The following OR14A2 variants were observed in gnomAD, a reference collection of about 807,000 sequenced individuals.
OR14A2 encodes olfactory receptor 14A2.
For synonymous variants in OR14A2, 114 were observed against 58.6 expected (o/e 1.95, Z -4.32); for missense variants, 237 against 152.9 (o/e 1.55, Z -2.90).
the OR14A2 span, chr1:247,747,151 T>C: frequency 4.6e-5 from 7 of 152,088 alleles, no homozygotes; most frequent in Admixed American, 4.6e-4. Flanking sequence ...TGGTTAAGAG[T>C]TTGCCACTGT....
At chr1:247,741,367 T>G in the OR14A2 span, among the ~76,000 whole-genome samples, 1 of 152,254 alleles carries the variant, frequency 6.6e-6, no homozygotes, top group Non-Finnish European at 1.5e-5. Context: ...TCACTACTTC[T>G]TTAACACTGC....
chr1:247,739,543 G>A, the OR14A2 span: 3 of 776,252 alleles, frequency 3.9e-6, no homozygotes, highest in South Asian at 4.1e-5. Context: ...AGAAGCAGTG[G>A]GGTAATGAAA....
chr1:247,729,516 C>G, the OR14A2 span, among the ~76,000 whole-genome samples: 2 of 151,982 alleles, frequency 1.3e-5, no homozygotes, highest in African/African-American at 4.8e-5. Flanking sequence ...AGCTCTGTTC[C>G]CCTTTAGACT....
At chr1:247,723,557 A>G in exon 1 of OR14A2, 2 of 718,322 alleles carry the variant, frequency 2.8e-6, no homozygotes, top group Non-Finnish European at 5.2e-6. Context: ...AAAGGCATGG[A>G]AAATGTGCCA....
chr1:247,731,001 T>C, the OR14A2 span, among the ~76,000 whole-genome samples: 1 of 152,148 alleles, frequency 6.6e-6, no homozygotes, highest in Non-Finnish European at 1.5e-5. Flanking sequence ...TTTAGTCCAA[T>C]TGTATTGACA....
At chr1:247,730,762 T>A in the OR14A2 span, among the ~76,000 whole-genome samples, 1 of 152,058 alleles carries the variant, frequency 6.6e-6, no homozygotes, top group African/African-American at 2.4e-5. Context: ...GGAACTCTGA[T>A]GTTGGAGGGC....
chr1:247,741,792 G>A, the OR14A2 span, among the ~76,000 whole-genome samples: 2 of 152,112 alleles, frequency 1.3e-5, no homozygotes, highest in African/African-American at 4.8e-5. Context: ...GCTCTGATAG[G>A]TTGTGCTATG....
the OR14A2 span, chr1:247,746,367 C>G: frequency 6.6e-6 from 1 of 152,166 alleles, no homozygotes; most frequent in African/African-American, 2.4e-5. Flanking sequence ...ATCCACTGGA[C>G]TTTGATGGGT....
chr1:247,733,322 T>C, the OR14A2 span, among the ~76,000 whole-genome samples: 1 of 152,182 alleles, frequency 6.6e-6, no homozygotes. Context: ...TTGAAGAAAT[T>C]TGTGACAAAA....
chr1:247,743,349 C>T, the OR14A2 span, among the ~76,000 whole-genome samples: 1 of 152,172 alleles, frequency 6.6e-6, no homozygotes, highest in Non-Finnish European at 1.5e-5. Flanking sequence ...TCTATAATGG[C>T]AGCCCCCAAT....
the OR14A2 span, among the ~76,000 whole-genome samples, chr1:247,745,916 G>C: frequency 2.0e-5 from 3 of 152,278 alleles, no homozygotes; most frequent in African/African-American, 7.2e-5. Context: ...GGCAGCTCCT[G>C]TAAAGTGTTG....
chr1:247,723,617 C>A, exon 1 of OR14A2: 1 of 718,310 alleles, frequency 1.4e-6, no homozygotes, highest in Non-Finnish European at 2.6e-6. Context: ...GAAACACTTG[C>A]CATTAACACA....
At chr1:247,733,093 C>T in the OR14A2 span, among the ~76,000 whole-genome samples, 2 of 152,140 alleles carry the variant, frequency 1.3e-5, no homozygotes, top group Non-Finnish European at 1.5e-5. Flanking sequence ...GAGTTTCTTA[C>T]TCTTACACCA....
chr1:247,735,607 C>G, the OR14A2 span, among the ~76,000 whole-genome samples: 2 of 152,236 alleles, frequency 1.3e-5, no homozygotes, highest in South Asian at 4.1e-4. Flanking sequence ...CCAGGAGAGT[C>G]CCATATAGTC....
chr1:247,739,434 G>A, the OR14A2 span: 1 of 780,756 alleles, frequency 1.3e-6, no homozygotes. Context: ...GCTGGTGTCT[G>A]TGTTCTATTC....
At chr1:247,738,636 A>G in the OR14A2 span, 100 of 780,074 alleles carry the variant, frequency 1.3e-4, no homozygotes, top group East Asian at 2.4e-3. Context: ...GACACAGATG[A>G]TGGAATTCTT....
upstream of OR14A2, among the ~76,000 whole-genome samples, chr1:247,725,513 ATTTTTTATTTATTTAT>A (rs1045993357): frequency 1.7e-4 from 25 of 143,120 alleles, no homozygotes; most frequent in African/African-American, 5.8e-4. Flanking sequence ...TTATTTATTT[ATTTTTTATTTATTTAT>A]TTTTTTTATT....
At chr1:247,736,690 G>A in the OR14A2 span, among the ~76,000 whole-genome samples, 9 of 152,008 alleles carry the variant, frequency 5.9e-5, no homozygotes, top group Non-Finnish European at 1.3e-4. Flanking sequence ...AAACACACAG[G>A]CTAATGCAAC....
the OR14A2 span, among the ~76,000 whole-genome samples, chr1:247,730,200 A>G: frequency 0.013 from 1,927 of 152,164 alleles, 35 homozygotes; most frequent in African/African-American, 0.042. Context: ...ATTGGCCCTC[A>G]CGTAGTTTAC....
Sources: gnomAD v4.1 joint callset for allele counts (sites outside exome capture counted in the v4.1 genomes callset) on GRCh38, gnomAD v4.1.1 for gene constraint, MANE v1.5 for transcripts, NCBI Gene and HGNC (gene_info 2026-07-23, HGNC 2026-07-21) for gene names.